The following NHS variants were observed in gnomAD, a reference collection of about 807,000 sequenced individuals.
NHS encodes the protein NHS actin remodeling regulator, also known as actin remodeling regulator NHS.
In NHS, 5 loss-of-function variants were observed where a neutral mutation model predicts 72.5. The observed-to-expected ratio is 0.07, with a 90% CI of 0.04 to 0.14. NHS has a LOEUF of 0.14. Ranked by LOEUF, NHS falls within the 10% of genes least tolerant of loss-of-function variation. NHS has a pLI of 1.00. For missense variants in NHS, 1,072 were observed against 1,355.7 expected, an observed-to-expected ratio of 0.79 and a Z score of 3.29; for synonymous variants, 464 against 547.7, an observed-to-expected ratio of 0.85 and a Z score of 2.13.
At chrX:17,398,303 T>C (rs1433864782) in intron 1 of NHS, among the ~76,000 whole-genome samples, 1 of 111,842 alleles carries the variant, frequency 8.9e-6, no homozygotes, top group East Asian at 2.8e-4. Flanking sequence ...GTTGGCTGTT[T>C]AATAATAATT....
chrX:17,725,246 C>A (rs1384467718), intron 6 of NHS, 101 bp from the exon 7 acceptor site: 11 of 707,649 alleles, frequency 1.6e-5, no homozygotes, highest in African/African-American at 6.7e-5. Context: ...AAAAAAAAAA[C>A]AGCTCTAACC....
chrX:17,703,387 C>T (rs945551000), intron 3 of NHS, among the ~76,000 whole-genome samples: 3 of 112,187 alleles, frequency 2.7e-5, no homozygotes, highest in East Asian at 2.8e-4. Flanking sequence ...CAGAGAAAGT[C>T]CACCAAGGGC....
At chrX:17,510,497 G>T (rs1173886098) in intron 1 of NHS, among the ~76,000 whole-genome samples, 1 of 112,471 alleles carries the variant, frequency 8.9e-6, no homozygotes, top group Non-Finnish European at 1.9e-5. Context: ...ACCACTGCTA[G>T]TGAACAATGG....
At chrX:17,705,910 G>A (rs2066292562) in intron 3 of NHS, among the ~76,000 whole-genome samples, 1 of 112,231 alleles carries the variant, frequency 8.9e-6, no homozygotes. Context: ...TTAAGGTCAT[G>A]AAAAACAAAG....
chrX:17,606,532 A>C (rs1222150535), intron 1 of NHS, among the ~76,000 whole-genome samples: 1 of 111,926 alleles, frequency 8.9e-6, no homozygotes, highest in African/African-American at 3.3e-5. Context: ...TTCAGAGCCC[A>C]TTTCCATAAA....
chrX:17,517,290 C>T (rs112294459), intron 1 of NHS, among the ~76,000 whole-genome samples: 6,789 of 111,746 alleles, frequency 0.061, 547 homozygotes, highest in African/African-American at 0.21. Context: ...TAGATTTCAA[C>T]CCAGGATGCA....
At chrX:17,708,341 A>G (rs1476916185) in intron 3 of NHS, among the ~76,000 whole-genome samples, 2 of 111,506 alleles carry the variant, frequency 1.8e-5, no homozygotes, top group African/African-American at 6.5e-5. Flanking sequence ...CGGACCATAG[A>G]CCTCAGCCAA....
At chrX:17,481,317 T>G (rs1001718231) in intron 1 of NHS, among the ~76,000 whole-genome samples, 1 of 111,996 alleles carries the variant, frequency 8.9e-6, no homozygotes, top group Non-Finnish European at 1.9e-5. Flanking sequence ...AAAGATAAAC[T>G]TTGCTGCTTC....
At chrX:17,550,077 T>C (rs953367591) in intron 1 of NHS, among the ~76,000 whole-genome samples, 2 of 111,901 alleles carry the variant, frequency 1.8e-5, no homozygotes, top group Admixed American at 9.4e-5. Context: ...GGTAAGGTGT[T>C]GATTTCTTGA....
chrX:17,645,462 C>T (rs2065901858), intron 1 of NHS, among the ~76,000 whole-genome samples: 1 of 111,646 alleles, frequency 9.0e-6, no homozygotes, highest in South Asian at 3.8e-4. Flanking sequence ...GCATCAGACC[C>T]CTGCATCCTA....
At chrX:17,402,629 G>T (rs773240827) in intron 1 of NHS, among the ~76,000 whole-genome samples, 1 of 111,907 alleles carries the variant, frequency 8.9e-6, no homozygotes, top group South Asian at 3.8e-4. Context: ...ATTAGTGGTT[G>T]TCTAGGGCTG....
chrX:17,624,368 C>A (rs1299929455), intron 1 of NHS, among the ~76,000 whole-genome samples: 1 of 112,107 alleles, frequency 8.9e-6, no homozygotes, highest in African/African-American at 3.2e-5. Flanking sequence ...TCATACAATT[C>A]AAGGAATTAT....
chrX:17,664,648 C>T (rs758586233), intron 1 of NHS, among the ~76,000 whole-genome samples: 1 of 112,036 alleles, frequency 8.9e-6, no homozygotes, highest in African/African-American at 3.2e-5. Flanking sequence ...AAAAATCCTC[C>T]AAATTTGTTC....
intron 3 of NHS, among the ~76,000 whole-genome samples, chrX:17,706,960 G>A (rs376942504): frequency 2.7e-5 from 3 of 111,889 alleles, no homozygotes; most frequent in East Asian, 2.8e-4. Flanking sequence ...TTTCCACTGA[G>A]TCCACACAGC....
intron 1 of NHS, among the ~76,000 whole-genome samples, chrX:17,410,803 G>A (rs1424928860): frequency 9.0e-6 from 1 of 111,160 alleles, no homozygotes; most frequent in Non-Finnish European, 1.9e-5. Context: ...ATCAAAAAAG[G>A]CAAAAATCCT....
chrX:17,442,506 C>T (rs2064760699), intron 1 of NHS, among the ~76,000 whole-genome samples: 1 of 112,507 alleles, frequency 8.9e-6, no homozygotes, highest in African/African-American at 3.2e-5. Flanking sequence ...GAAATGTGTC[C>T]CAGCCACGAG....
intron 1 of NHS, among the ~76,000 whole-genome samples, chrX:17,385,124 CTACTT>C (rs1204574439): frequency 6.2e-5 from 7 of 112,301 alleles, no homozygotes; most frequent in Middle Eastern, 4.6e-3. Context: ...GGGAAACTGT[CTACTT>C]TATTTTTGTG....
Position 17,628,439 on chromosome X carries a change from G to T in NHS, c.566-59303G>T, listed in dbSNP as rs1490841735. 3.6e-5 allele frequency among the ~76,000 whole-genome samples: 4 copies of T among 112,627 alleles called. No homozygotes were observed. The Admixed American group carries it at 3.7e-4, about 10-fold the overall frequency. ...TCAAAGGAGAGCATTGCATAAGGGGGCATATGTAGCCTCTCATGCATGCAT... is the reference window on the plus strand; with the variant it reads ...TCAAAGGAGAGCATTGCATAAGGGGTCATATGTAGCCTCTCATGCATGCAT... On this transcript the variant is annotated intron_variant, in intron 1 of 8. Transcript: ENST00000676302.
At chrX:17,393,794 A>G (rs1290365648) in intron 1 of NHS, among the ~76,000 whole-genome samples, 2 of 111,595 alleles carry the variant, frequency 1.8e-5, no homozygotes, top group African/African-American at 6.5e-5. Context: ...CATAGCTGAG[A>G]GGGTTTATTC....
Sources: gnomAD v4.1 joint callset for allele counts (sites outside exome capture counted in the v4.1 genomes callset) on GRCh38, gnomAD v4.1.1 for gene constraint, MANE v1.5 for transcripts, NCBI Gene and HGNC (gene_info 2026-07-23, HGNC 2026-07-21) for gene names.